Variants in AQR observed in about 807,000 individuals in gnomAD.
AQR encodes RNA helicase aquarius.
Under a neutral mutation model 180.5 loss-of-function variants are expected in AQR, and 61 were observed. The ratio of observed to expected loss-of-function variants is 0.34; its 90% confidence interval spans 0.28 to 0.42. AQR has a LOEUF of 0.42. Among genes scored for constraint, AQR ranks in the 10% least tolerant of loss-of-function variants. The probability of loss-of-function intolerance (pLI) is 1.00; values close to 1 mark genes in which losing one functional copy is unlikely to be tolerated. For synonymous variants in AQR, 551 were observed against 588.8 expected, an observed-to-expected ratio of 0.94 and a Z score of 0.93; for missense variants, 1,281 against 1,798.3, an observed-to-expected ratio of 0.71 and a Z score of 5.20.
intron 23 of AQR, among the ~76,000 whole-genome samples, chr15:34,891,217 C>T (rs994439848): frequency 6.6e-6 from 1 of 152,142 alleles, no homozygotes; most frequent in Non-Finnish European, 1.5e-5. Context: ...TCTTGATACT[C>T]ATCATCCAAA....
Position 34,951,334 on chromosome 15 carries a change from T to C in AQR, c.209+1551A>G, listed in dbSNP as rs150499772. ...AATGATATTGTCACATAAAATTAAA[T>C]AAGAGTTCCTGAAAGGTAACAACTG... is the stretch of plus-strand genomic sequence containing the variant. On this transcript the variant is annotated intron_variant, in intron 4 of 34. Transcript: ENST00000156471. 5.4e-3 allele frequency among the ~76,000 whole-genome samples: 816 copies of C among 152,248 alleles called. 11 individuals are homozygous for C. Among genetic ancestry groups the C allele is most frequent in the African/African-American group, 0.019 (772 of 41,548 alleles).
In AQR at chr15:34,856,871, G is replaced by A; in HGVS notation, c.4379C>T (p.Thr1460Ile). 3 of 1,613,394 alleles carry A rather than the reference G, an allele frequency of 1.9e-6. No homozygotes were observed. Among genetic ancestry groups the A allele is most frequent in the Non-Finnish European group, 2.5e-6 (3 of 1,179,638 alleles). ...AIPALSETTP[T>I]VVGAVSAPAE... ...CGGTGCAGATACAGCTCCTACCACA[G>A]TAGGGGTGGTCTCAGATAAAGCAGG... is the stretch of plus-strand genomic sequence containing the variant. Residue 1460 changes from threonine (T) to isoleucine (I), a missense_variant, in exon 35 of 35, where the codon ACT becomes ATT. Thr to Ile is a moderately conservative substitution (Grantham distance 89, BLOSUM62 -1). This residue lies in a region of AQR where 182 missense variants were observed against 185.3 expected (regional missense o/e 0.98). Transcript: ENST00000156471.
In AQR at chr15:34,930,383, C is replaced by T. The variant is rs367860266; in HGVS notation, c.901-12G>A. ...AGCATGTCCAAAAGCTGAAGAAACA[C>T]ATTTACATGTATAAATCATATGAAC... On this transcript the variant is annotated splice_polypyrimidine_tract_variant and intron_variant, in intron 11 of 34. Coordinates refer to ENST00000156471, the MANE Select transcript of AQR (RefSeq NM_014691.3). 6.2e-5 allele frequency: 87 copies of T among 1,402,090 alleles called. No individual in the cohort carries two copies. Among genetic ancestry groups the T allele is most frequent in the Non-Finnish European group, 8.3e-5 (82 of 989,628 alleles). The allele number at this position is 1,402,090 out of a possible 1,614,324, so 86.9% of individuals were successfully genotyped here.
intron 1 of AQR, among the ~76,000 whole-genome samples, chr15:34,966,628 T>C (rs1170145179): frequency 6.6e-6 from 1 of 152,206 alleles, no homozygotes; most frequent in South Asian, 2.1e-4. Flanking sequence ...TTATTCCCCA[T>C]GTACTCCCAG....
Position 34,867,525 on chromosome 15 carries a change from T to A in AQR, c.3853A>T (p.Arg1285Trp), listed in dbSNP as rs1179745048. The change falls in exon 32 of 35, where the codon AGG becomes TGG. Residue 1285 changes from arginine (R) to tryptophan (W), a missense_variant and splice_region_variant. Physicochemically the swap from Arg to Trp is moderately radical, Grantham distance 101 (BLOSUM62 -3). Transcript: ENST00000156471. ...TTATGAAAGTTTTTTCCTACGTACC[T>A]CAGATGGCCCACTGCCCTGGTTCGT... ...LVRTRAVGHL[R>W]DVRRLVVAMS... is the part of the protein sequence containing the mutation. 3.7e-6 allele frequency: 6 copies of A among 1,611,830 alleles called. No homozygotes were observed. Among genetic ancestry groups the A allele is most frequent in the Non-Finnish European group, 5.1e-6 (6 of 1,178,480 alleles).
In AQR at chr15:34,854,341, G is replaced by C; in HGVS notation, c.*2451C>G. On this transcript the variant is annotated 3_prime_UTR_variant, in exon 35 of 35. Coordinates refer to ENST00000156471, the MANE Select transcript of AQR (RefSeq NM_014691.3). ...CTAATCTGAAATAGTCACATGGCTAGAGTACCTGTGTCTGTAGTAATCCCA... is the reference window on the plus strand; with the variant it reads ...CTAATCTGAAATAGTCACATGGCTACAGTACCTGTGTCTGTAGTAATCCCA... 1 of 152,130 alleles carries C rather than the reference G, an allele frequency of 6.6e-6. No individual in the cohort carries two copies. The highest frequency in any genetic ancestry group is 1.9e-4 in the East Asian group (1 of 5,192). The allele number at this position is 152,130 out of a possible 1,614,324, so 9.4% of individuals were successfully genotyped here. A position where few individuals can be genotyped will look rare whatever the true frequency, so the allele number is the denominator to read the frequency against.
chr15:34,900,150 C>A (rs544144624), intron 20 of AQR, among the ~76,000 whole-genome samples: 1 of 152,236 alleles, frequency 6.6e-6, no homozygotes, highest in South Asian at 2.1e-4. Flanking sequence ...GCCTTAGCCT[C>A]TGAAGTCACT....
chr15:34,931,854 T>C (rs997403040), intron 11 of AQR, among the ~76,000 whole-genome samples: 1 of 152,168 alleles, frequency 6.6e-6, no homozygotes, highest in Non-Finnish European at 1.5e-5. Context: ...TGCTTTCTTC[T>C]GCATGACATA....
chr15:34,902,492 T>C (rs971966768), intron 19 of AQR, among the ~76,000 whole-genome samples: 1 of 152,118 alleles, frequency 6.6e-6, no homozygotes, highest in Non-Finnish European at 1.5e-5. Flanking sequence ...AATGCCTCCT[T>C]TGAACTTTCA....
intron 29 of AQR, chr15:34,874,318 G>A: frequency 3.1e-6 from 1 of 324,892 alleles, no homozygotes. Context: ...GATGGGGCCT[G>A]CATCCTTTAT....
intron 25 of AQR, 115 bp from the exon 26 acceptor site, chr15:34,884,849 T>C: frequency 1.3e-6 from 1 of 779,204 alleles, no homozygotes. Context: ...AAAAAAGAAA[T>C]TCAATCTTTG....
chr15:34,951,429 T>A (rs1429499070), intron 4 of AQR, among the ~76,000 whole-genome samples: 1 of 152,190 alleles, frequency 6.6e-6, no homozygotes, highest in Non-Finnish European at 1.5e-5. Flanking sequence ...ATCCCAGCAC[T>A]TTAGGAAGCC....
intron 3 of AQR, 128 bp downstream of exon 3, chr15:34,960,646 T>A (rs1000406428): frequency 2.9e-5 from 14 of 490,524 alleles, no homozygotes; most frequent in Non-Finnish European, 5.1e-5. Context: ...GTTTTTCTAG[T>A]CACCATTGCC....
rs1025035717 is a variant in AQR, at chr15:34,853,416, T to C, written c.*3376A>G. ...CAGAATTCAGAACTGATAGAAGTTA[T>C]CAGCTCCATATTTCAGAAAGACCTA... On this transcript the variant is annotated 3_prime_UTR_variant, in exon 35 of 35. Transcript: ENST00000156471. 6.6e-6 allele frequency: 1 copy of C among 152,210 alleles called. No individual in the cohort carries two copies. The highest frequency in any genetic ancestry group is 1.9e-4 in the East Asian group (1 of 5,192). The allele number at this position is 152,210 out of a possible 1,614,324, so 9.4% of individuals were successfully genotyped here. A position where few individuals can be genotyped will look rare whatever the true frequency, so the allele number is the denominator to read the frequency against.
At chr15:34,890,138 T>C in intron 24 of AQR, 77 bp downstream of exon 24, 1 of 1,305,118 alleles carries the variant, frequency 7.7e-7, no homozygotes, top group South Asian at 1.4e-5. Context: ...TTCATTGCTT[T>C]CTTCTTCTTT....
intron 10 of AQR, among the ~76,000 whole-genome samples, 175 bp downstream of exon 10, chr15:34,934,396 A>T (rs972607375): frequency 6.7e-6 from 1 of 148,912 alleles, no homozygotes; most frequent in South Asian, 2.1e-4. Flanking sequence ...AATGAGAGAA[A>T]GGAAATATAT....
intron 4 of AQR, 66 bp from the exon 5 acceptor site, chr15:34,948,450 C>T (rs1038103066): frequency 3.3e-6 from 5 of 1,507,516 alleles, no homozygotes; most frequent in South Asian, 1.3e-5. Context: ...ACATAACTCA[C>T]CCAGAAAAGC....
chr15:34,921,433 C>CA (rs71119990), intron 13 of AQR, among the ~76,000 whole-genome samples: 7,945 of 74,500 alleles, frequency 0.11, 402 homozygotes, highest in African/African-American at 0.16. Context: ...GACTCCATCT[C>CA]AAAAAAAAAA....
At chr15:34,915,668 G>A (rs145053420) in intron 15 of AQR, among the ~76,000 whole-genome samples, 45 of 151,956 alleles carry the variant, frequency 3.0e-4, no homozygotes, top group African/African-American at 9.2e-4. Context: ...GGGTGAGGCC[G>A]GGCACGGTGG....
Sources: gnomAD v4.1 joint callset for allele counts (sites outside exome capture counted in the v4.1 genomes callset) on GRCh38, gnomAD v4.1.1 for gene constraint, gnomAD v4.1.1 regional missense constraint, MANE v1.5 for transcripts, NCBI Gene and HGNC (gene_info 2026-07-23, HGNC 2026-07-21) for gene names.